CR1: variants seen among roughly 807,000 people sequenced by gnomAD.
CR1 encodes complement receptor type 1.
Under a neutral mutation model 187.3 loss-of-function variants are expected in CR1, and 116 were observed. The observed-to-expected ratio is 0.62, with a 90% confidence interval of 0.53 to 0.72. CR1 has a LOEUF of 0.72. CR1 is among the 30% of genes least tolerant of loss of function. The probability of loss-of-function intolerance (pLI) is 0.00; values close to 1 mark genes in which losing one functional copy is unlikely to be tolerated. For synonymous variants in CR1, 576 were observed against 747.1 expected (o/e 0.77, Z 3.73); for missense variants, 1,731 against 2,110.7 (o/e 0.82, Z 3.52).
chr1:207,502,492 C>T (rs1480395590), intron 1 of CR1, among the ~76,000 whole-genome samples: 2 of 151,926 alleles, frequency 1.3e-5, no homozygotes, highest in African/African-American at 2.4e-5. Flanking sequence ...GAATTGAAGT[C>T]AGAGTGAAGA....
intron 46 of CR1, among the ~76,000 whole-genome samples, chr1:207,637,222 T>C (rs115081951): frequency 1.6e-3 from 245 of 152,334 alleles, no homozygotes; most frequent in Non-Finnish European, 3.0e-3. Context: ...CTTATGTTTG[T>C]CTAAACTTTC....
intron 27 of CR1, among the ~76,000 whole-genome samples, chr1:207,573,027 G>A (rs1660625724): frequency 6.6e-6 from 1 of 152,148 alleles, no homozygotes; most frequent in South Asian, 2.1e-4. Context: ...TGCAAAGATT[G>A]TATTTCCAAA....
chr1:207,581,871 A>G (rs1660965479), intron 31 of CR1, 47 bp from the exon 32 acceptor site: 3 of 1,294,846 alleles, frequency 2.3e-6, no homozygotes, highest in East Asian at 4.7e-5. Context: ...CACGAAGGGA[A>G]GAGAGAAATG....
chr1:207,507,648 G>C (rs1659483961), intron 3 of CR1: 1 of 152,236 alleles, frequency 6.6e-6, no homozygotes, highest in African/African-American at 2.4e-5. Flanking sequence ...GGGTAAGGGG[G>C]ACACAATTCT....
At chr1:207,598,421 C>CTTTTTTTT (rs11392366) in intron 35 of CR1, among the ~76,000 whole-genome samples, 2 of 148,608 alleles carry the variant, frequency 1.3e-5, no homozygotes. Context: ...AAGACAAGAA[C>CTTTTTTTT]TTTTTTTTTT....
Position 207,609,339 on chromosome 1 carries a change from C to A in CR1, c.5946C>A (p.Ser1982Arg). The change falls in exon 37 of 47, where the codon AGC becomes AGA. Residue 1982 changes from serine to arginine, a missense_variant. This residue lies in a region of CR1 where 1,312 missense variants were observed against 1,379.6 expected (regional missense o/e 0.95). Transcript: ENST00000367049. ...CCATATCCAATGGAGACTTCTACAG[C>A]AACAATAGAACATCTTTTCACAATG... ...PPTISNGDFY[S>R]NNRTSFHNGT... 6.2e-7 allele frequency: 1 copy of A among 1,613,912 alleles called. No individual in the cohort carries two copies. Among genetic ancestry groups the A allele is most frequent in the Non-Finnish European group, 8.5e-7 (1 of 1,179,848 alleles).
Position 207,611,943 on chromosome 1 carries a change from A to T in CR1, c.6477A>T (p.Lys2159Asn). 6.2e-7 allele frequency: 1 copy of T among 1,613,938 alleles called. No individual in the cohort carries two copies. ...TTGTTTTATTTTTTCTTCTAGTGAA[A>T]TCCTGTGATGACTTCCTGGGCCAAC... ...WSPEAPRCTV[K>N]SCDDFLGQLP... The change falls in exon 39 of 47, where the codon AAA becomes AAT. Residue 2159 changes from lysine to asparagine, a missense_variant. By Grantham distance (94) the Lys-to-Asn change is moderately conservative. Around this residue, in one of 5 missense-constraint regions of CR1, gnomAD observed 1,312 missense variants for 1,379.6 expected, o/e 0.95. Coordinates refer to ENST00000367049, the MANE Select transcript of CR1 (RefSeq NM_000651.6).
chr1:207,589,968 C>A (rs1386637767), intron 35 of CR1, among the ~76,000 whole-genome samples: 4 of 151,994 alleles, frequency 2.6e-5, no homozygotes, highest in African/African-American at 4.8e-5. Context: ...GTGAAAAGAC[C>A]AAACCTACGT....
At chr1:207,507,560 G>A (rs1267265422) in intron 3 of CR1, 1 of 152,160 alleles carries the variant, frequency 6.6e-6, no homozygotes, top group African/African-American at 2.4e-5. Flanking sequence ...ATCTTAACTG[G>A]ATTGCCTCTC....
intron 1 of CR1, 46 bp downstream of exon 1, chr1:207,496,434 CCCGG>C: frequency 6.4e-7 from 1 of 1,551,104 alleles, no homozygotes. Context: ...GGACGAGGAA[CCCGG>C]GGCCCCGCAG....
At chr1:207,620,225 A>T (rs1662275224) in intron 43 of CR1, among the ~76,000 whole-genome samples, 160 bp downstream of exon 43, 3 of 152,232 alleles carry the variant, frequency 2.0e-5, no homozygotes, top group Admixed American at 6.5e-5. Context: ...CCATAGTGAG[A>T]GTAAGGCCAG....
At position 207,640,005 on chromosome 1, in the gene CR1, A is replaced by G. The variant is rs1384361145; in HGVS notation, c.*596A>G. The G allele has an allele frequency of 6.6e-6, 1 of 152,244 alleles. No individual in the cohort carries two copies. Among genetic ancestry groups the G allele is most frequent in the Non-Finnish European group, 1.5e-5 (1 of 68,054 alleles). The allele number at this position is 152,244 out of a possible 1,614,324, so 9.4% of individuals were successfully genotyped here. ...AACAGTTTAGAGTGAAATATATGCT[A>G]TATCAGTTTTTACTTTCTCTAGGGA... is the stretch of plus-strand genomic sequence containing the variant. On this transcript the variant is annotated 3_prime_UTR_variant, in exon 47 of 47. Transcript: ENST00000367049.
rs202041119 is a variant in CR1 at position 207,564,174 on chromosome 1, G to A, written c.3806G>A (p.Arg1269His). 1.6e-5 allele frequency: 25 copies of A among 1,585,436 alleles called. No homozygotes were observed. The highest frequency in any genetic ancestry group is 2.2e-4 in the Middle Eastern group (1 of 4,454). ...TTCATGGGCCAACTTCTTAATGGCC[G>A]TGTGCTATTTCCAGTAAATCTCCAG... ...DDFMGQLLNGRVLFPVNLQLG... is the reference protein window; with the variant it reads ...DDFMGQLLNGHVLFPVNLQLG... Residue 1269 changes from arginine to histidine, a missense_variant, in exon 23 of 47, where the codon CGT (arginine) becomes CAT (histidine). Physicochemically the swap from Arg to His is conservative, Grantham distance 29. Around this residue, in one of 5 missense-constraint regions of CR1, gnomAD observed 34 missense variants for 79.5 expected, o/e 0.43. Transcript: ENST00000367049.
chr1:207,566,049 T>G, intron 24 of CR1, 126 bp downstream of exon 24: 1 of 1,305,114 alleles, frequency 7.7e-7, no homozygotes, highest in Non-Finnish European at 1.1e-6. Context: ...AAATAGTTTA[T>G]TTTAATAATG....
chr1:207,594,842 C>T (rs974782735), intron 35 of CR1, among the ~76,000 whole-genome samples: 8 of 152,020 alleles, frequency 5.3e-5, no homozygotes, highest in African/African-American at 1.7e-4. Flanking sequence ...ACATAGATTT[C>T]CCTATGGTAA....
rs749615846 is a variant in CR1, at chr1:207,581,926, T to C, written c.5225T>C (p.Leu1742Ser). ...VSFVCDEGFR[L>S]KGSSVSHCVL... ...ACTGCTTTGTTCTTTAGGTTTCGCT[T>C]AAAGGGCAGTTCCGTTAGTCATTGT... The change falls in exon 32 of 47, where the codon TTA becomes TCA. Residue 1742 changes from leucine (L) to serine (S), a missense_variant. By Grantham distance (145) the Leu-to-Ser change is moderately radical. Around this residue, in one of 5 missense-constraint regions of CR1, gnomAD observed 1,312 missense variants for 1,379.6 expected, o/e 0.95. Coordinates refer to ENST00000367049, the MANE Select transcript of CR1 (RefSeq NM_000651.6). The C allele has an allele frequency of 1.9e-6, 3 of 1,612,944 alleles. No individual in the cohort carries two copies. The South Asian group carries it at 3.3e-5, about 18-fold the overall frequency.
rs1282812707 is a variant in CR1, at chr1:207,577,943, G to A, written c.4676G>A (p.Gly1559Asp). 6.2e-7 allele frequency: 1 copy of A among 1,611,974 alleles called. No homozygotes were observed. Among genetic ancestry groups the A allele is most frequent in the South Asian group, 1.1e-5 (1 of 91,006 alleles). ...GGGAGAAAGGTGTTTGAGCTTGTGG[G>A]TGAGCCCTCCATATACTGCACCAGC... Reference protein sequence around the residue: ...SRGRKVFELVGEPSIYCTSND... With the variant: ...SRGRKVFELVDEPSIYCTSND... Residue 1559 changes from glycine (G) to aspartate (D), a missense_variant, in exon 29 of 47, where the codon GGT becomes GAT. This residue lies in a region of CR1 where 1,312 missense variants were observed against 1,379.6 expected (regional missense o/e 0.95). Coordinates refer to ENST00000367049, the MANE Select transcript of CR1 (RefSeq NM_000651.6).
chr1:207,575,636 C>T lies in CR1; in HGVS notation c.4493C>T (p.Ser1498Leu), dbSNP rs553365200. The T allele has an allele frequency of 2.5e-6, 4 of 1,611,854 alleles. No homozygotes were observed. Among genetic ancestry groups the T allele is most frequent in the Non-Finnish European group, 3.4e-6 (4 of 1,179,704 alleles). Residue 1498 changes from serine (S) to leucine (L), a missense_variant, in exon 28 of 47, where the codon TCA (serine) becomes TTA (leucine). By Grantham distance (145) the Ser-to-Leu change is moderately radical. Transcript: ENST00000367049. ...CACTCATCTGCTGAATGTATCCTCT[C>T]AGGCAATACTGCCCATTGGAGCACG... ...IGHSSAECIL[S>L]GNTAHWSTKP...
At chr1:207,577,526 T>C (rs1427381620) in intron 28 of CR1, among the ~76,000 whole-genome samples, 1 of 152,144 alleles carries the variant, frequency 6.6e-6, no homozygotes, top group African/African-American at 2.4e-5. Context: ...TCCCAGCACT[T>C]TGAAAGGCCG....
Sources: gnomAD v4.1 joint callset for allele counts (sites outside exome capture counted in the v4.1 genomes callset) on GRCh38, gnomAD v4.1.1 for gene constraint, gnomAD v4.1.1 regional missense constraint, MANE v1.5 for transcripts, NCBI Gene and HGNC (gene_info 2026-07-23, HGNC 2026-07-21) for gene names.